Variants in EPB41L4A observed in about 807,000 individuals in gnomAD.
The protein encoded by EPB41L4A is band 4.1-like protein 4A.
A neutral mutation model predicts 108.6 loss-of-function variants in EPB41L4A; 100 were observed. The ratio of observed to expected loss-of-function variants is 0.92; its 90% CI spans 0.78 to 1.09. EPB41L4A has a LOEUF of 1.09. EPB41L4A is among the 50% of genes least tolerant of loss of function. EPB41L4A has a pLI of 0.00. For missense variants in EPB41L4A, 1,030 were observed against 842.7 expected (o/e 1.22, Z -2.75); for synonymous variants, 319 against 289.0 (o/e 1.10, Z -1.05).
At chr5:112,302,752 T>C (rs1754445738) in intron 2 of EPB41L4A, among the ~76,000 whole-genome samples, 1 of 152,162 alleles carries the variant, frequency 6.6e-6, no homozygotes, top group Admixed American at 6.5e-5. Flanking sequence ...GATAGGAATC[T>C]GAGGCTCAGT....
intron 1 of EPB41L4A, 34 bp downstream of exon 1, chr5:112,418,907 C>G (rs770735175): frequency 1.3e-6 from 2 of 1,573,908 alleles, no homozygotes; most frequent in African/African-American, 2.7e-5. Flanking sequence ...CGCCCTGCCG[C>G]CAACCCCCGG....
At chr5:112,221,210 C>T (rs1748023496) in intron 12 of EPB41L4A, among the ~76,000 whole-genome samples, 2 of 152,260 alleles carry the variant, frequency 1.3e-5, no homozygotes, top group South Asian at 4.1e-4. Flanking sequence ...ATTAAAACCC[C>T]CTTCTTTTGC....
chr5:112,256,061 T>G lies in EPB41L4A; in HGVS notation c.795+3168A>C, dbSNP rs1580541726. On this transcript the variant is annotated intron_variant, in intron 9 of 22. Coordinates refer to ENST00000261486, the MANE Select transcript of EPB41L4A (RefSeq NM_022140.5). ...ATAATCCAACAGCTTCTCCGCACTT[T>G]GTTGTCACCCTGATCCACTGAGATA... 2.0e-5 allele frequency among the ~76,000 whole-genome samples: 3 copies of G among 152,202 alleles called. No individual in the cohort carries two copies. The East Asian group carries it at 5.8e-4, about 29-fold the overall frequency.
intron 12 of EPB41L4A, among the ~76,000 whole-genome samples, chr5:112,231,747 T>G (rs1468641556): frequency 8.0e-6 from 1 of 125,198 alleles, no homozygotes; most frequent in African/African-American, 3.0e-5. Context: ...ATTGCGCCAC[T>G]GCAGTCCGCA....
intron 12 of EPB41L4A, among the ~76,000 whole-genome samples, chr5:112,212,559 T>A (rs1747266015): frequency 6.6e-6 from 1 of 152,212 alleles, no homozygotes; most frequent in Non-Finnish European, 1.5e-5. Flanking sequence ...CCTCCCAAAG[T>A]GCTGGGATTA....
At chr5:112,352,738 A>G (rs1442753638) in intron 1 of EPB41L4A, among the ~76,000 whole-genome samples, 2 of 152,058 alleles carry the variant, frequency 1.3e-5, no homozygotes, top group African/African-American at 4.8e-5. Flanking sequence ...TAGTTGTTAA[A>G]TCCTTTGTAT....
rs17342849 is a variant in EPB41L4A at position 112,310,921 on chromosome 5, G to C, written c.100-3431C>G. Among the ~76,000 whole-genome samples the C allele has an allele frequency of 5.7e-3, 866 of 152,262 alleles. 2 individuals are homozygous for C. Among genetic ancestry groups the C allele is most frequent in the Middle Eastern group, 0.014 (4 of 294 alleles). ...TTAATTCACAGAGTAGCTCCCAAGA[G>C]TAAGGGAGTATCCAATAGCAAAGGC... On this transcript the variant is annotated intron_variant, in intron 1 of 22. Transcript: ENST00000261486.
chr5:112,365,552 T>C (rs1274851522), intron 1 of EPB41L4A, among the ~76,000 whole-genome samples: 5 of 152,340 alleles, frequency 3.3e-5, no homozygotes, highest in East Asian at 1.9e-4. Context: ...AGAGTTCCTA[T>C]ATACCTGGCA....
Position 112,407,263 on chromosome 5 carries a change from C to A in EPB41L4A, c.99+11678G>T, listed in dbSNP as rs574099363. On this transcript the variant is annotated intron_variant, in intron 1 of 22. Coordinates refer to ENST00000261486, the MANE Select transcript of EPB41L4A (RefSeq NM_022140.5). ...AATACTATTGACTTTTAAAATGTGCCATCCAGAAAAGACTGTAAAGCTTAT... is the reference window on the plus strand; with the variant it reads ...AATACTATTGACTTTTAAAATGTGCAATCCAGAAAAGACTGTAAAGCTTAT... Among the ~76,000 whole-genome samples the A allele has an allele frequency of 1.5e-4, 23 of 152,204 alleles. No homozygotes were observed. The South Asian group carries it at 4.6e-3, about 30-fold the overall frequency.
intron 2 of EPB41L4A, among the ~76,000 whole-genome samples, chr5:112,302,614 G>C (rs1018251963): frequency 2.0e-5 from 3 of 152,152 alleles, no homozygotes; most frequent in African/African-American, 7.2e-5. Flanking sequence ...CTGAAGTATA[G>C]AAAAGTTAGG....
Position 112,385,507 on chromosome 5 carries a change from CAAAAAAA to C in EPB41L4A, c.99+33427_99+33433del, listed in dbSNP as rs201988960. 8.5e-4 allele frequency among the ~76,000 whole-genome samples: 64 copies of C among 75,544 alleles called. No homozygotes were observed. In the East Asian group the frequency reaches 0.012, roughly 14 times the overall value. The allele number at this position is 75,544 out of a possible 152,430, so 49.6% of individuals were successfully genotyped here. A position where few individuals can be genotyped will look rare whatever the true frequency, so the allele number is the denominator to read the frequency against. On this transcript the variant is annotated intron_variant, in intron 1 of 22. Transcript: ENST00000261486. Reference sequence around the variant, plus strand: ...TGCCAGCCTTCATACTGGTTATTTTCAAAAAAAAAAAAAAAAAAAAGTAAATCCCATT... The same window carrying C: ...TGCCAGCCTTCATACTGGTTATTTTCAAAAAAAAAAAAAGTAAATCCCATT...
chr5:112,398,776 T>G (rs712678), intron 1 of EPB41L4A, among the ~76,000 whole-genome samples: 2 of 152,068 alleles, frequency 1.3e-5, no homozygotes, highest in African/African-American at 4.8e-5. Context: ...CTAGCCCCTG[T>G]GAGTATTAAC....
intron 1 of EPB41L4A, among the ~76,000 whole-genome samples, chr5:112,401,962 C>G (rs940892919): frequency 1.3e-5 from 2 of 152,208 alleles, no homozygotes; most frequent in Non-Finnish European, 2.9e-5. Context: ...TGTTGTCACT[C>G]TGTAACCCCA....
chr5:112,146,478 C>G (rs1251818868), intron 12 of EPB41L4A, among the ~76,000 whole-genome samples: 1 of 152,222 alleles, frequency 6.6e-6, no homozygotes, highest in African/African-American at 2.4e-5. Flanking sequence ...TCCCCAAAGA[C>G]TCTTGCACCA....
At chr5:112,147,758 A>C (rs1468995437) in intron 12 of EPB41L4A, among the ~76,000 whole-genome samples, 1 of 151,738 alleles carries the variant, frequency 6.6e-6, no homozygotes, top group Non-Finnish European at 1.5e-5. Context: ...GGCCTTTCCA[A>C]ATATAGGCCT....
At chr5:112,180,573 T>C (rs1380486148) in intron 18 of EPB41L4A, among the ~76,000 whole-genome samples, 1 of 148,800 alleles carries the variant, frequency 6.7e-6, no homozygotes, top group Non-Finnish European at 1.5e-5. Context: ...CAAACCTAAG[T>C]ATAAAAGCAA....
At chr5:112,258,405 C>T (rs1216043100) in intron 9 of EPB41L4A, among the ~76,000 whole-genome samples, 1 of 152,170 alleles carries the variant, frequency 6.6e-6, no homozygotes, top group Non-Finnish European at 1.5e-5. Context: ...AATTCAACTC[C>T]ACTTAGTTTT....
chr5:112,204,362 G>C lies in EPB41L4A; in HGVS notation c.1376+13C>G, dbSNP rs562822642. ...GTTGAAAGCTGCTAACAGAGAGATTGTGTTCCGCTTACCTCCTCCTCACAG... is the reference window on the plus strand; with the variant it reads ...GTTGAAAGCTGCTAACAGAGAGATTCTGTTCCGCTTACCTCCTCCTCACAG... On this transcript the variant is annotated intron_variant, in intron 15 of 22. Coordinates refer to ENST00000261486, the MANE Select transcript of EPB41L4A (RefSeq NM_022140.5). 6.4e-7 allele frequency: 1 copy of C among 1,567,910 alleles called. No homozygotes were observed. The highest frequency in any genetic ancestry group is 1.7e-5 in the Admixed American group (1 of 59,948).
chr5:112,162,323 T>C (rs1203686993), downstream of EPB41L4A: 1 of 152,208 alleles, frequency 6.6e-6, no homozygotes, highest in Non-Finnish European at 1.5e-5. Context: ...GCATTTGTGT[T>C]TTAAGTGATT....
Sources: gnomAD v4.1 joint callset for allele counts (sites outside exome capture counted in the v4.1 genomes callset) on GRCh38, gnomAD v4.1.1 for gene constraint, MANE v1.5 for transcripts, NCBI Gene and HGNC (gene_info 2026-07-23, HGNC 2026-07-21) for gene names.